The following PLAC1 variants were observed in gnomAD, a reference collection of about 807,000 sequenced individuals.
PLAC1 encodes the protein placenta-specific protein 1.
For synonymous variants in PLAC1, 68 were observed against 62.1 expected (o/e 1.09, Z -0.44); for missense variants, 136 against 163.2 (o/e 0.83, Z 0.91).
At chrX:134,738,017 C>G (rs1229115277) in intron 1 of PLAC1, among the ~76,000 whole-genome samples, 1 of 111,340 alleles carries the variant, frequency 9.0e-6, no homozygotes, top group Non-Finnish European at 1.9e-5. Flanking sequence ...CTCAGAACTG[C>G]CAGTTATCCT....
At chrX:134,736,835 G>A (rs907568507) in intron 1 of PLAC1, among the ~76,000 whole-genome samples, 3 of 112,161 alleles carry the variant, frequency 2.7e-5, no homozygotes, top group Non-Finnish European at 3.8e-5. Context: ...GGAGTATCCC[G>A]AAGGGCATTG....
At chrX:134,709,017 C>T (rs932941174) in intron 2 of PLAC1, among the ~76,000 whole-genome samples, 4 of 111,495 alleles carry the variant, frequency 3.6e-5, no homozygotes, top group Non-Finnish European at 7.5e-5. Context: ...TGCATCTTCC[C>T]GTGAATCTAT....
chrX:134,670,705 A>C (rs2078452654), intron 2 of PLAC1, among the ~76,000 whole-genome samples: 1 of 112,207 alleles, frequency 8.9e-6, no homozygotes, highest in African/African-American at 3.2e-5. Context: ...TGTAGCCTCC[A>C]GCCCTGCCAT....
intron 2 of PLAC1, among the ~76,000 whole-genome samples, chrX:134,594,240 C>T (rs1442647083): frequency 9.0e-6 from 1 of 111,592 alleles, no homozygotes; most frequent in Non-Finnish European, 1.9e-5. Context: ...CTTGCATACA[C>T]GGAATAAACC....
At chrX:134,579,182 G>C (rs747412195) in intron 2 of PLAC1, among the ~76,000 whole-genome samples, 7 of 110,440 alleles carry the variant, frequency 6.3e-5, no homozygotes, top group Admixed American at 1.9e-4. Flanking sequence ...ACTCCCTCCT[G>C]TTATCCCTCT....
intron 2 of PLAC1, among the ~76,000 whole-genome samples, chrX:134,678,473 C>T (rs1341813937): frequency 8.9e-6 from 1 of 111,927 alleles, no homozygotes; most frequent in Non-Finnish European, 1.9e-5. Flanking sequence ...ATCACCTCTT[C>T]CAAGAGGATT....
intron 1 of PLAC1, among the ~76,000 whole-genome samples, chrX:134,743,957 G>C (rs1459138045): frequency 8.9e-6 from 1 of 112,577 alleles, no homozygotes; most frequent in Admixed American, 9.4e-5. Flanking sequence ...CATTGTTTAA[G>C]GAAGAGGACG....
chrX:134,630,462 C>A (rs1370934998), intron 1 of PLAC1, among the ~76,000 whole-genome samples: 2 of 111,701 alleles, frequency 1.8e-5, no homozygotes, highest in East Asian at 5.6e-4. Flanking sequence ...TCTGGGTGTG[C>A]CCAAGGGCAT....
rs142147725 is a variant in PLAC1, at chrX:134,657,110, C to G, written c.-131+1218G>C. 4.5e-5 allele frequency among the ~76,000 whole-genome samples: 5 copies of G among 111,991 alleles called. No homozygotes were observed. The East Asian group carries it at 1.4e-3, about 31-fold the overall frequency. On this transcript the variant is annotated intron_variant, in intron 1 of 2. Coordinates refer to ENST00000359237, the MANE Select transcript of PLAC1 (RefSeq NM_021796.4). Reference sequence around the variant, plus strand: ...CTCCTTTAACTCTGATTGTCTCTAACTCCAGTGAGACAGGAAGGACCAAGG... The same window carrying G: ...CTCCTTTAACTCTGATTGTCTCTAAGTCCAGTGAGACAGGAAGGACCAAGG...
At chrX:134,567,631 G>A (rs1055686994) in intron 2 of PLAC1, among the ~76,000 whole-genome samples, 5 of 109,170 alleles carry the variant, frequency 4.6e-5, no homozygotes, top group Admixed American at 2.0e-4. Flanking sequence ...GGTGGTGCAC[G>A]CCTGTAGTAT....
intron 1 of PLAC1, among the ~76,000 whole-genome samples, chrX:134,646,544 G>A (rs888226635): frequency 8.9e-6 from 1 of 112,081 alleles, no homozygotes; most frequent in Admixed American, 9.5e-5. Context: ...TGACTTCCAC[G>A]ATGGTCTATA....
intron 2 of PLAC1, among the ~76,000 whole-genome samples, chrX:134,731,759 T>C (rs993788028): frequency 1.8e-5 from 2 of 111,746 alleles, no homozygotes; most frequent in African/African-American, 6.5e-5. Flanking sequence ...TGTCTTCTGA[T>C]AAGACTCAGT....
Position 134,611,498 on chromosome X carries a change from T to G in PLAC1, c.-130-9376A>C, listed in dbSNP as rs184457084. 6.9e-3 allele frequency among the ~76,000 whole-genome samples: 401 copies of G among 58,092 alleles called. 3 individuals carry two copies. The highest frequency in any genetic ancestry group is 0.037 in the African/African-American group (381 of 10,162). The allele number at this position is 58,092 out of a possible 115,157, so 50.4% of individuals were successfully genotyped here. On this transcript the variant is annotated intron_variant, in intron 1 of 2. Coordinates refer to ENST00000359237, the MANE Select transcript of PLAC1 (RefSeq NM_021796.4). Reference sequence around the variant, plus strand: ...TAGATATATAGATTATATATATAGATATATATATACACACACACACATACA... The same window carrying G: ...TAGATATATAGATTATATATATAGAGATATATATACACACACACACATACA...
rs770556518 is a variant in PLAC1 at position 134,567,123 on chromosome X, T to G, written c.-58-383A>C. On this transcript the variant is annotated intron_variant, in intron 2 of 2. Coordinates refer to ENST00000359237, the MANE Select transcript of PLAC1 (RefSeq NM_021796.4). Reference sequence around the variant, plus strand: ...ATTCAAGATGGCAATACTTCCCTCTTTAGGGGCCTCCATGTCCTCTCATAG... The same window carrying G: ...ATTCAAGATGGCAATACTTCCCTCTGTAGGGGCCTCCATGTCCTCTCATAG... 8.0e-5 allele frequency among the ~76,000 whole-genome samples: 9 copies of G among 112,389 alleles called. No individual in the cohort carries two copies. In the South Asian group the frequency reaches 3.3e-3, roughly 42 times the overall value.
intron 1 of PLAC1, among the ~76,000 whole-genome samples, chrX:134,739,217 A>C (rs2078710987): frequency 8.9e-6 from 1 of 112,268 alleles, no homozygotes; most frequent in Non-Finnish European, 1.9e-5. Context: ...TGGCTTAATG[A>C]CACTAAATGG....
At chrX:134,584,294 G>A (rs185418510) in intron 2 of PLAC1, among the ~76,000 whole-genome samples, 1 of 112,047 alleles carries the variant, frequency 8.9e-6, no homozygotes, top group East Asian at 2.8e-4. Flanking sequence ...GGGCAGAAAT[G>A]CTGATCGCAG....
intron 1 of PLAC1, among the ~76,000 whole-genome samples, chrX:134,739,307 G>A (rs1182071134): frequency 2.7e-5 from 3 of 112,338 alleles, no homozygotes; most frequent in Non-Finnish European, 5.6e-5. Flanking sequence ...ATTCGACTTC[G>A]AGGTGACTTT....
At chrX:134,752,044 A>G (rs912342006) in intron 1 of PLAC1, among the ~76,000 whole-genome samples, 2 of 112,119 alleles carry the variant, frequency 1.8e-5, no homozygotes, top group Non-Finnish European at 3.8e-5. Context: ...CTGTGAGGCT[A>G]CATTGTGAGG....
chrX:134,747,728 A>T (rs982407908), intron 1 of PLAC1, among the ~76,000 whole-genome samples: 6 of 111,711 alleles, frequency 5.4e-5, no homozygotes, highest in African/African-American at 2.0e-4. Flanking sequence ...AATGATGATA[A>T]TGCCACAAAT....
Sources: gnomAD v4.1 joint callset for allele counts (sites outside exome capture counted in the v4.1 genomes callset) on GRCh38, gnomAD v4.1.1 for gene constraint, MANE v1.5 for transcripts, NCBI Gene and HGNC (gene_info 2026-07-23, HGNC 2026-07-21) for gene names.